Variants in RNGTT observed in about 807,000 individuals in gnomAD.
RNGTT encodes mRNA-capping enzyme.
Under a neutral mutation model 79.3 loss-of-function variants are expected in RNGTT, and 33 were observed. The observed-to-expected ratio is 0.42, with a 90% CI of 0.32 to 0.56. The LOEUF (loss-of-function observed/expected upper bound fraction) is 0.56. Among genes scored for constraint, RNGTT ranks in the 20% least tolerant of loss-of-function variants. The pLI, the probability that RNGTT is intolerant of heterozygous loss-of-function variation, is 0.17. For synonymous variants in RNGTT, 222 were observed against 235.9 expected, an observed-to-expected ratio of 0.94 and a Z score of 0.54; for missense variants, 497 against 739.1, an observed-to-expected ratio of 0.67 and a Z score of 3.80.
chr6:88,764,130 T>C (rs1342102806), intron 13 of RNGTT, among the ~76,000 whole-genome samples: 2 of 152,188 alleles, frequency 1.3e-5, no homozygotes, highest in Non-Finnish European at 2.9e-5. Flanking sequence ...ATTTTAATAA[T>C]CTACCCTCAT....
intron 8 of RNGTT, among the ~76,000 whole-genome samples, chr6:88,889,243 G>A (rs1405607854): frequency 6.6e-6 from 1 of 151,978 alleles, no homozygotes; most frequent in Non-Finnish European, 1.5e-5. Flanking sequence ...GGGAAAAATT[G>A]TTTCCAACAG....
chr6:88,628,767 A>G (rs971667763), intron 14 of RNGTT, among the ~76,000 whole-genome samples: 15 of 152,296 alleles, frequency 9.8e-5, no homozygotes, highest in Admixed American at 7.9e-4. Flanking sequence ...AGAGCTCTAC[A>G]TCGCACTACC....
chr6:88,678,313 G>A, intron 14 of RNGTT, 40 bp downstream of exon 14: 2 of 1,581,506 alleles, frequency 1.3e-6, no homozygotes, highest in Non-Finnish European at 1.7e-6. Flanking sequence ...CTAGATAAGA[G>A]AACATCCAGG....
chr6:88,832,420 T>TA (rs1415469931), intron 11 of RNGTT, among the ~76,000 whole-genome samples: 1 of 151,478 alleles, frequency 6.6e-6, no homozygotes, highest in Non-Finnish European at 1.5e-5. Context: ...CCATTCCTTA[T>TA]ACAAAAATTA....
chr6:88,963,410 G>A lies in RNGTT; in HGVS notation c.-1C>T. ...GCGGCGGGATCTTGTTGTGAGCCAT[G>A]TCTTGGGGCTGCGCAGAGCTGCCCT... is the stretch of plus-strand genomic sequence containing the variant. On this transcript the variant is annotated 5_prime_UTR_variant, in exon 1 of 16. Coordinates refer to ENST00000369485, the MANE Select transcript of RNGTT (RefSeq NM_003800.5). The A allele has an allele frequency of 1.3e-6, 2 of 1,598,984 alleles. 1 individual carries two copies. The highest frequency in any genetic ancestry group is 2.2e-5 in the South Asian group (2 of 90,336).
At chr6:88,700,299 T>C (rs1014386900) in intron 13 of RNGTT, among the ~76,000 whole-genome samples, 2 of 152,156 alleles carry the variant, frequency 1.3e-5, no homozygotes, top group African/African-American at 4.8e-5. Context: ...CCTTTCTTTA[T>C]TCCCCAAACT....
intron 13 of RNGTT, among the ~76,000 whole-genome samples, chr6:88,745,251 C>T (rs1777624107): frequency 6.6e-6 from 1 of 152,206 alleles, no homozygotes; most frequent in Admixed American, 6.6e-5. Flanking sequence ...ATCATCTACT[C>T]TGATATGACA....
In RNGTT at chr6:88,610,212, T is replaced by C. The variant is rs1027507691; in HGVS notation, c.*2507A>G. ...TGTGGCTGACAGCAGTAGGATGTGA[T>C]GCCAGCAATAGAAGGGACACAAGAG... is the stretch of plus-strand genomic sequence containing the variant. On this transcript the variant is annotated 3_prime_UTR_variant, in exon 16 of 16. Transcript: ENST00000369485. 2.0e-5 allele frequency: 3 copies of C among 152,662 alleles called. No homozygotes were observed. Among genetic ancestry groups the C allele is most frequent in the Non-Finnish European group, 4.4e-5 (3 of 68,048 alleles). 9.5% of individuals were successfully genotyped at this position (152,662 alleles called of 1,614,324 possible). A position where few individuals can be genotyped will look rare whatever the true frequency, so the allele number is the denominator to read the frequency against.
rs1447706024 is a variant in RNGTT, at chr6:88,960,967, A to C, written c.64+2379T>G. Among the ~76,000 whole-genome samples, 4 of 152,214 alleles carry C rather than the reference A, an allele frequency of 2.6e-5. No individual in the cohort carries two copies. The East Asian group carries it at 7.7e-4, about 29-fold the overall frequency. On this transcript the variant is annotated intron_variant, in intron 1 of 15. Coordinates refer to ENST00000369485, the MANE Select transcript of RNGTT (RefSeq NM_003800.5). Reference sequence around the variant, plus strand: ...ACTGAGTGTCAACTCGATTGGATTGAAGGATGCAAAATATTGATCCTGGGT... The same window carrying C: ...ACTGAGTGTCAACTCGATTGGATTGCAGGATGCAAAATATTGATCCTGGGT...
intron 1 of RNGTT, among the ~76,000 whole-genome samples, chr6:88,951,986 C>A (rs1204015474): frequency 6.6e-6 from 1 of 151,984 alleles, no homozygotes; most frequent in Admixed American, 6.6e-5. Flanking sequence ...AGTGGGCAGA[C>A]AGGGAGGCAG....
chr6:88,734,416 G>A (rs986248292), intron 13 of RNGTT, among the ~76,000 whole-genome samples: 33 of 151,896 alleles, frequency 2.2e-4, no homozygotes, highest in Non-Finnish European at 4.4e-4. Context: ...AAAATGAAAA[G>A]AACAAGTACA....
chr6:88,938,080 T>C (rs747033025), intron 2 of RNGTT, among the ~76,000 whole-genome samples: 1 of 152,196 alleles, frequency 6.6e-6, no homozygotes, highest in African/African-American at 2.4e-5. Flanking sequence ...AAATCCAATG[T>C]TTGTTAATTT....
chr6:88,905,290 G>A (rs1783615780), intron 5 of RNGTT, among the ~76,000 whole-genome samples: 1 of 152,160 alleles, frequency 6.6e-6, no homozygotes, highest in African/African-American at 2.4e-5. Context: ...ACAACAATGT[G>A]AGCAAAGTAA....
intron 13 of RNGTT, among the ~76,000 whole-genome samples, chr6:88,681,626 C>T (rs929727737): frequency 2.0e-5 from 3 of 151,978 alleles, no homozygotes; most frequent in African/African-American, 7.3e-5. Context: ...TAATATGTAA[C>T]ACTTCATCAT....
At chr6:88,631,510 G>A (rs1007463700) in intron 14 of RNGTT, among the ~76,000 whole-genome samples, 2 of 152,154 alleles carry the variant, frequency 1.3e-5, no homozygotes, top group African/African-American at 4.8e-5. Context: ...ATGCAGATCC[G>A]ATAAATGGAA....
intron 4 of RNGTT, among the ~76,000 whole-genome samples, chr6:88,925,972 A>C (rs559966068): frequency 7.7e-4 from 117 of 152,318 alleles, no homozygotes; most frequent in South Asian, 4.8e-3. Flanking sequence ...ATTTCTAACA[A>C]GTATCTTCAA....
At chr6:88,834,656 T>C (rs1460209743) in intron 11 of RNGTT, among the ~76,000 whole-genome samples, 1 of 152,198 alleles carries the variant, frequency 6.6e-6, no homozygotes, top group Non-Finnish European at 1.5e-5. Context: ...AAGGTTCTGT[T>C]TCTTTTACTA....
chr6:88,613,254 A>G (rs969184071), intron 15 of RNGTT, among the ~76,000 whole-genome samples: 2 of 152,202 alleles, frequency 1.3e-5, no homozygotes, highest in African/African-American at 4.8e-5. Flanking sequence ...TAGTCCTTCA[A>G]TCTTTCTCTC....
rs545659451 is a variant in RNGTT at position 88,667,907 on chromosome 6, T to C, written c.1506+10446A>G. Among the ~76,000 whole-genome samples the C allele has an allele frequency of 7.2e-5, 11 of 152,232 alleles. No homozygotes were observed. In the South Asian group the frequency reaches 2.1e-3, roughly 29 times the overall value. The stretch of plus-strand genomic sequence containing the variant: ...ATGGGTACAGGCTCTCCCCACAGTA[T>C]TGTTTAAAATCAGGTGTACTCCTTC... On this transcript the variant is annotated intron_variant, in intron 14 of 15. Transcript: ENST00000369485.
Sources: gnomAD v4.1 joint callset for allele counts (sites outside exome capture counted in the v4.1 genomes callset) on GRCh38, gnomAD v4.1.1 for gene constraint, MANE v1.5 for transcripts, NCBI Gene and HGNC (gene_info 2026-07-23, HGNC 2026-07-21) for gene names.